The following ZNF675 variants were observed in gnomAD, a reference collection of about 807,000 sequenced individuals.
ZNF675 encodes the protein TRAF6 inhibitory zinc finger.
A neutral mutation model predicts 56.1 loss-of-function variants in ZNF675; 36 were observed. The ratio of observed to expected loss-of-function variants is 0.64; its 90% CI spans 0.49 to 0.85. The LOEUF is 0.85. ZNF675 is among the 40% of genes least tolerant of loss of function. ZNF675 has a pLI of 0.00. For missense variants in ZNF675, 663 were observed against 654.2 expected, an observed-to-expected ratio of 1.01 and a Z score of -0.15; for synonymous variants, 200 against 218.9, an observed-to-expected ratio of 0.91 and a Z score of 0.76.
At chr19:23,665,640 C>T (rs965822638) in intron 1 of ZNF675, among the ~76,000 whole-genome samples, 5 of 151,904 alleles carry the variant, frequency 3.3e-5, no homozygotes, top group East Asian at 2.0e-4. Context: ...ATAACACAGG[C>T]GCCTGCCACC....
intron 1 of ZNF675, among the ~76,000 whole-genome samples, chr19:23,670,303 T>C (rs1968212347): frequency 6.6e-6 from 1 of 152,148 alleles, no homozygotes; most frequent in Non-Finnish European, 1.5e-5. Flanking sequence ...GGGCAGTCAA[T>C]GGTAGCATTA....
intron 1 of ZNF675, among the ~76,000 whole-genome samples, chr19:23,665,203 G>A (rs1568291491): frequency 6.6e-6 from 1 of 151,926 alleles, no homozygotes; most frequent in Admixed American, 6.5e-5. Flanking sequence ...AAATTAGCCA[G>A]CCGAGGTGGC....
intron 1 of ZNF675, among the ~76,000 whole-genome samples, chr19:23,664,866 G>A (rs911574556): frequency 6.6e-6 from 1 of 152,084 alleles, no homozygotes. Flanking sequence ...CAGGAGAATC[G>A]TTTAAACCTG....
At chr19:23,668,587 C>T (rs888388712) in intron 1 of ZNF675, among the ~76,000 whole-genome samples, 9 of 152,222 alleles carry the variant, frequency 5.9e-5, no homozygotes, top group South Asian at 2.1e-4. Flanking sequence ...GAGCGGCATC[C>T]GTCAGGGAGG....
intron 1 of ZNF675, among the ~76,000 whole-genome samples, chr19:23,684,969 C>A (rs1968424486): frequency 6.7e-6 from 1 of 149,890 alleles, no homozygotes; most frequent in African/African-American, 2.5e-5. Flanking sequence ...GAAATGGAAG[C>A]TGGGTTGAGT....
chr19:23,653,564 A>G lies in ZNF675; in HGVS notation c.1369T>C (p.Cys457Arg), dbSNP rs1278676659. The part of the protein sequence containing the change: ...TGKKPYKCEE[C>R]GKAFIQSSKL... ...GAGGATTGGATAAAAGCTTTGCCACATTCTTCACATTTGTAGGGTTTCTTT... is the reference window on the plus strand; with the variant it reads ...GAGGATTGGATAAAAGCTTTGCCACGTTCTTCACATTTGTAGGGTTTCTTT... The change falls in exon 4 of 4, where the codon TGT becomes CGT. Residue 457 changes from cysteine (C) to arginine (R), a missense_variant. Transcript: ENST00000359788. 2 of 1,612,636 alleles carry G rather than the reference A, an allele frequency of 1.2e-6. No individual in the cohort carries two copies. The highest frequency in any genetic ancestry group is 2.2e-5 in the East Asian group (1 of 44,846).
chr19:23,672,784 A>G (rs1212988812), intron 1 of ZNF675, among the ~76,000 whole-genome samples: 3 of 152,230 alleles, frequency 2.0e-5, no homozygotes. Context: ...CTTGAGGATT[A>G]TAACATGAAA....
intron 1 of ZNF675, among the ~76,000 whole-genome samples, chr19:23,666,867 C>T (rs1466598344): frequency 2.6e-5 from 4 of 151,754 alleles, no homozygotes; most frequent in Non-Finnish European, 5.9e-5. Context: ...CGTGCAAGTG[C>T]CTGACTACCA....
intron 1 of ZNF675, among the ~76,000 whole-genome samples, chr19:23,673,896 A>G (rs1419364629): frequency 6.6e-6 from 1 of 151,864 alleles, no homozygotes. Flanking sequence ...AAACTCCACA[A>G]TGATAGAACA....
intron 3 of ZNF675, among the ~76,000 whole-genome samples, chr19:23,657,454 C>G (rs10854070): frequency 0.97 from 148,005 of 152,362 alleles, 72,051 homozygotes; most frequent in Middle Eastern, 1. Context: ...GGTGGCTCAC[C>G]CCTTGTAATC....
intron 3 of ZNF675, chr19:23,657,201 C>G (rs908852573): frequency 1.3e-5 from 2 of 152,306 alleles, no homozygotes; most frequent in African/African-American, 4.8e-5. Context: ...CTCCCAAAAT[C>G]CTGGGATCAA....
At chr19:23,668,067 T>A (rs1161273861) in intron 1 of ZNF675, among the ~76,000 whole-genome samples, 1 of 141,700 alleles carries the variant, frequency 7.1e-6, no homozygotes, top group African/African-American at 2.7e-5. Context: ...GAGCTAGACA[T>A]AAAGGTTCTC....
At chr19:23,672,933 A>C (rs1052089356) in intron 1 of ZNF675, among the ~76,000 whole-genome samples, 1 of 152,186 alleles carries the variant, frequency 6.6e-6, no homozygotes, top group Non-Finnish European at 1.5e-5. Context: ...TACTTACAGG[A>C]ATAACATTAA....
intron 1 of ZNF675, among the ~76,000 whole-genome samples, chr19:23,668,586 C>T (rs1345105603): frequency 6.6e-5 from 10 of 152,346 alleles, no homozygotes. Flanking sequence ...GGAGCGGCAT[C>T]CGTCAGGGAG....
intron 1 of ZNF675, among the ~76,000 whole-genome samples, chr19:23,670,302 A>G (rs899912793): frequency 1.3e-5 from 2 of 152,122 alleles, no homozygotes; most frequent in Non-Finnish European, 2.9e-5. Context: ...TGGGCAGTCA[A>G]TGGTAGCATT....
At chr19:23,674,007 A>G (rs980862503) in intron 1 of ZNF675, among the ~76,000 whole-genome samples, 20 of 151,438 alleles carry the variant, frequency 1.3e-4, no homozygotes, top group African/African-American at 2.9e-4. Context: ...GTTCGAAACC[A>G]GCCTGACCAA....
rs1335869033 is a variant in ZNF675, at chr19:23,687,177, C to G, written c.-144G>C. The G allele has an allele frequency of 5.9e-6, 6 of 1,015,850 alleles. No individual in the cohort carries two copies. In the Admixed American group the frequency reaches 1.1e-4, roughly 18 times the overall value. The allele number at this position is 1,015,850 out of a possible 1,614,324, so 62.9% of individuals were successfully genotyped here. A position where few individuals can be genotyped will look rare whatever the true frequency, so the allele number is the denominator to read the frequency against. ...CTGGAGCTCCGGCTGCAGCGAGAGA[C>G]AAAGGCGCCGCCAAATCCCGGAAGC... On this transcript the variant is annotated 5_prime_UTR_variant, in exon 1 of 4. Transcript: ENST00000359788.
rs114777823 is a variant in ZNF675 at position 23,680,765 on chromosome 19, A to T, written c.3+6266T>A. 3.3e-3 allele frequency among the ~76,000 whole-genome samples: 497 copies of T among 151,426 alleles called. 16 individuals carry two copies. Among genetic ancestry groups the T allele is most frequent in the African/African-American group, 0.012 (476 of 40,848 alleles). On this transcript the variant is annotated intron_variant, in intron 1 of 3. Coordinates refer to ENST00000359788, the MANE Select transcript of ZNF675 (RefSeq NM_138330.3). ...GCAAAACTCCGTCTCAGAAAAATTT[A>T]AAAAAATAATAATAATAAGAGCTAA...
At chr19:23,658,861 A>ATCTC (rs368111883) in intron 3 of ZNF675, among the ~76,000 whole-genome samples, 1 of 6,818 alleles carries the variant, frequency 1.5e-4, no homozygotes, top group African/African-American at 4.5e-4. Flanking sequence ...ATAGATATAG[A>ATCTC]AATAGATCTA....
Sources: gnomAD v4.1 joint callset for allele counts (sites outside exome capture counted in the v4.1 genomes callset) on GRCh38, gnomAD v4.1.1 for gene constraint, MANE v1.5 for transcripts, NCBI Gene and HGNC (gene_info 2026-07-23, HGNC 2026-07-21) for gene names.